The following PDZD2 variants were observed in gnomAD, a reference collection of about 807,000 sequenced individuals.
The protein encoded by PDZD2 is PDZ domain containing 2, also known as PDZ domain-containing protein 2.
In PDZD2, 90 loss-of-function variants were observed where a neutral mutation model predicts 220.7. That is an observed-to-expected ratio of 0.41 (90% CI 0.34 to 0.49). PDZD2 has a LOEUF of 0.49. PDZD2 is among the 20% of genes least tolerant of loss of function. The pLI is 0.28. For missense variants in PDZD2, 3,174 were observed against 3,608.5 expected (o/e 0.88, Z 3.08); for synonymous variants, 1,375 against 1,450.5 (o/e 0.95, Z 1.18).
Position 32,088,364 on chromosome 5 carries a change from G to A in PDZD2, c.4916G>A (p.Arg1639Lys). Reference sequence around the variant, plus strand: ...CTGTCATTAAAATACAGCACTCCGAGAGAGTCGGTGGCCAGTCCCCGTGAG... The same window carrying A: ...CTGTCATTAAAATACAGCACTCCGAAAGAGTCGGTGGCCAGTCCCCGTGAG... ...KVLSLKYSTPRESVASPREKA... is the reference protein window; with the variant it reads ...KVLSLKYSTPKESVASPREKA... Residue 1639 changes from arginine (R) to lysine (K), a missense_variant, in exon 20 of 25, where the codon AGA (arginine) becomes AAA (lysine). Coordinates refer to ENST00000438447, the MANE Select transcript of PDZD2 (RefSeq NM_178140.4). This position sits in a 1 kb window ranked among gnomAD's most constrained non-coding sequence, Gnocchi z 4.6. The A allele has an allele frequency of 6.2e-7, 1 of 1,614,102 alleles. No homozygotes were observed. The highest frequency in any genetic ancestry group is 1.1e-5 in the South Asian group (1 of 91,074).
At chr5:31,973,560 A>G (rs528785485) in intron 2 of PDZD2, among the ~76,000 whole-genome samples, 1 of 152,338 alleles carries the variant, frequency 6.6e-6, no homozygotes, top group African/African-American at 2.4e-5. Context: ...GAATTTAACC[A>G]GGGAAAGGTG....
intron 1 of PDZD2, among the ~76,000 whole-genome samples, chr5:31,688,057 G>A (rs1746945775): frequency 6.6e-6 from 1 of 152,154 alleles, no homozygotes; most frequent in Non-Finnish European, 1.5e-5. Context: ...TCTTTAGAAA[G>A]GTCAAGCAGT....
At chr5:31,860,883 C>T (rs1737640496) in intron 2 of PDZD2, among the ~76,000 whole-genome samples, 1 of 152,132 alleles carries the variant, frequency 6.6e-6, no homozygotes. Flanking sequence ...CCTTCTTTGG[C>T]CCTCAGTAGC....
At chr5:31,855,087 T>A (rs1758322197) in intron 2 of PDZD2, 1 of 985,156 alleles carries the variant, frequency 1.0e-6, no homozygotes, top group African/African-American at 1.7e-5. Flanking sequence ...GGCGAGCGGA[T>A]TACCCGGCGC....
At chr5:32,093,476 A>G (rs567510463) in intron 21 of PDZD2, among the ~76,000 whole-genome samples, 2 of 152,298 alleles carry the variant, frequency 1.3e-5, no homozygotes, top group South Asian at 2.1e-4. Flanking sequence ...CCTGAACAAC[A>G]TGAGGGTTGG....
At chr5:31,663,404 C>T (rs1561370373) in intron 1 of PDZD2, among the ~76,000 whole-genome samples, 1 of 152,122 alleles carries the variant, frequency 6.6e-6, no homozygotes, top group Non-Finnish European at 1.5e-5. Flanking sequence ...GATACAGGTA[C>T]TTGGCATTCA....
chr5:32,070,568 T>TA (rs1286151688), intron 15 of PDZD2, among the ~76,000 whole-genome samples: 1 of 152,256 alleles, frequency 6.6e-6, no homozygotes, highest in Non-Finnish European at 1.5e-5. Flanking sequence ...ACCCTACAGT[T>TA]AAAAACTAAA....
Position 31,799,635 on chromosome 5 carries a change from A to G in PDZD2, c.387A>G (p.Pro129=). The change falls in exon 2 of 25, where the codon CCA becomes CCG. Residue 129 remains proline, a synonymous_variant. Transcript: ENST00000438447. ...TGACAGAGCTGAGGAAGAACAGCCC[A>G]GCAGGGAAGAGTGGGAAGGTCCGAC... ...IWVTELRKNS[P]AGKSGKVRLR... 6.2e-7 allele frequency: 1 copy of G among 1,614,164 alleles called. No individual in the cohort carries two copies. Among genetic ancestry groups the G allele is most frequent in the Non-Finnish European group, 8.5e-7 (1 of 1,180,000 alleles).
chr5:32,064,123 T>C (rs1739963194), intron 14 of PDZD2, among the ~76,000 whole-genome samples: 1 of 152,216 alleles, frequency 6.6e-6, no homozygotes, highest in Admixed American at 6.5e-5. Context: ...ACTTGTACAG[T>C]TGCCTTTAAC....
chr5:31,708,963 C>G (rs1747957133), intron 1 of PDZD2, among the ~76,000 whole-genome samples: 1 of 148,276 alleles, frequency 6.7e-6, no homozygotes, highest in Non-Finnish European at 1.5e-5. Flanking sequence ...TCTTGGCTCA[C>G]TGCAACCTCC....
At chr5:31,699,273 G>A (rs1339490416) in intron 1 of PDZD2, among the ~76,000 whole-genome samples, 1 of 152,136 alleles carries the variant, frequency 6.6e-6, no homozygotes, top group Non-Finnish European at 1.5e-5. Context: ...GAAGGTGGTG[G>A]GCGAGGGGTG....
At chr5:31,773,298 T>C (rs1247024078) in intron 1 of PDZD2, among the ~76,000 whole-genome samples, 1 of 152,204 alleles carries the variant, frequency 6.6e-6, no homozygotes, top group East Asian at 1.9e-4. Flanking sequence ...TCAAGTTTCA[T>C]TCTAACTATT....
intron 14 of PDZD2, among the ~76,000 whole-genome samples, chr5:32,067,609 A>G (rs1487430876): frequency 1.3e-5 from 2 of 152,212 alleles, no homozygotes; most frequent in Non-Finnish European, 1.5e-5. Context: ...ACAAATTGCC[A>G]TGCTTATCCA....
chr5:31,855,995 G>GT (rs1482363663), intron 2 of PDZD2, among the ~76,000 whole-genome samples: 7 of 152,214 alleles, frequency 4.6e-5, no homozygotes, highest in Non-Finnish European at 1.0e-4. Context: ...AATGTAAACA[G>GT]TAAACAAATG....
chr5:31,983,720 A>T, intron 3 of PDZD2, 64 bp downstream of exon 3: 1 of 1,484,148 alleles, frequency 6.7e-7, no homozygotes, highest in Non-Finnish European at 9.2e-7. Context: ...TTGTTTTTGC[A>T]GCCCAGCCCA....
chr5:31,913,468 A>C (rs911809490), intron 2 of PDZD2, among the ~76,000 whole-genome samples: 1 of 152,218 alleles, frequency 6.6e-6, no homozygotes, highest in African/African-American at 2.4e-5. Flanking sequence ...TAGTTTGTAC[A>C]ATTGAAAAAT....
chr5:31,770,227 G>A (rs893155234), intron 1 of PDZD2, among the ~76,000 whole-genome samples: 5 of 152,154 alleles, frequency 3.3e-5, no homozygotes, highest in Non-Finnish European at 5.9e-5. Flanking sequence ...AAGCCAAACC[G>A]ATGGTGTCAG....
intron 2 of PDZD2, among the ~76,000 whole-genome samples, chr5:31,827,014 C>G (rs1030123415): frequency 6.6e-6 from 1 of 152,138 alleles, no homozygotes; most frequent in Non-Finnish European, 1.5e-5. Flanking sequence ...ATAGACAGCA[C>G]GTCCATTCCC....
chr5:31,774,113 C>G (rs1166724487), intron 1 of PDZD2, among the ~76,000 whole-genome samples: 1 of 151,996 alleles, frequency 6.6e-6, no homozygotes, highest in African/African-American at 2.4e-5. Context: ...GCCAGCTCAC[C>G]CCAGCCCTAA....
Sources: gnomAD v4.1 joint callset for allele counts (sites outside exome capture counted in the v4.1 genomes callset) on GRCh38, gnomAD v4.1.1 for gene constraint, Gnocchi (gnomAD v3.1) non-coding constraint, MANE v1.5 for transcripts, NCBI Gene and HGNC (gene_info 2026-07-23, HGNC 2026-07-21) for gene names.